DIS3L2: variants seen among roughly 807,000 people sequenced by gnomAD.
The protein encoded by DIS3L2 is DIS3-like exonuclease 2.
DIS3L2 carries 34 observed loss-of-function variants against 97.5 expected under a neutral mutation model. The observed-to-expected ratio is 0.35, with a 90% CI of 0.27 to 0.46. The LOEUF (loss-of-function observed/expected upper bound fraction) is 0.46. Among genes scored for constraint, DIS3L2 ranks in the 20% least tolerant of loss-of-function variants. DIS3L2 has a pLI of 1.00. For missense variants in DIS3L2, 1,038 were observed against 1,146.0 expected, an observed-to-expected ratio of 0.91 and a Z score of 1.36; for synonymous variants, 435 against 445.2, an observed-to-expected ratio of 0.98 and a Z score of 0.29.
chr2:232,313,111 T>G (rs1575011894), intron 14 of DIS3L2, among the ~76,000 whole-genome samples: 1 of 152,338 alleles, frequency 6.6e-6, no homozygotes, highest in East Asian at 1.9e-4. Flanking sequence ...CTTGCCTTAT[T>G]GCACTGTACA....
At chr2:231,977,671 C>A (rs1693136188) in intron 1 of DIS3L2, among the ~76,000 whole-genome samples, 1 of 152,192 alleles carries the variant, frequency 6.6e-6, no homozygotes, top group Non-Finnish European at 1.5e-5. Flanking sequence ...AAACTACCCA[C>A]CACATGTAGA....
chr2:232,074,207 GA>G (rs1251783422), intron 5 of DIS3L2, among the ~76,000 whole-genome samples: 3 of 152,316 alleles, frequency 2.0e-5, no homozygotes, highest in South Asian at 2.1e-4. Context: ...CTCTTACAGT[GA>G]TAAGTTTCAA....
chr2:232,085,392 G>T (rs1358729400), intron 5 of DIS3L2, among the ~76,000 whole-genome samples: 1 of 152,140 alleles, frequency 6.6e-6, no homozygotes, highest in Non-Finnish European at 1.5e-5. Flanking sequence ...TTCATCATTT[G>T]TCACCCCACT....
intron 8 of DIS3L2, 134 bp from the exon 9 acceptor site, chr2:232,163,325 G>C (rs963892478): frequency 2.2e-5 from 18 of 808,932 alleles, no homozygotes; most frequent in Non-Finnish European, 7.7e-6. Flanking sequence ...AGTGATTTAC[G>C]GATGATCATG....
rs957140226 is a variant in DIS3L2, at chr2:232,231,792, A to G, written c.1205-6741A>G. 2.6e-5 allele frequency among the ~76,000 whole-genome samples: 4 copies of G among 152,368 alleles called. No individual in the cohort carries two copies. The East Asian group carries it at 5.8e-4, about 22-fold the overall frequency. On this transcript the variant is annotated intron_variant, in intron 10 of 20. Coordinates refer to ENST00000325385, the MANE Select transcript of DIS3L2 (RefSeq NM_152383.5). Reference sequence around the variant, plus strand: ...TTTCTTTTTCATTCAGTAAATGTCAATCACTGCGGGCCCAGCCCTTTCCCT... The same window carrying G: ...TTTCTTTTTCATTCAGTAAATGTCAGTCACTGCGGGCCCAGCCCTTTCCCT...
intron 1 of DIS3L2, among the ~76,000 whole-genome samples, chr2:231,983,338 A>C (rs922148323): frequency 6.6e-6 from 1 of 152,194 alleles, no homozygotes; most frequent in Non-Finnish European, 1.5e-5. Flanking sequence ...AAGGCTTTGA[A>C]GGAGAATCTG....
At chr2:232,225,418 A>G (rs1441577342) in intron 10 of DIS3L2, among the ~76,000 whole-genome samples, 1 of 152,242 alleles carries the variant, frequency 6.6e-6, no homozygotes, top group Non-Finnish European at 1.5e-5. Flanking sequence ...TCAAAACACA[A>G]CATGATGAAT....
chr2:232,169,197 G>C (rs186301426), intron 9 of DIS3L2, among the ~76,000 whole-genome samples: 6 of 152,148 alleles, frequency 3.9e-5, no homozygotes, highest in Non-Finnish European at 8.8e-5. Flanking sequence ...AAAGAAGTAA[G>C]ATTGAGTCCC....
intron 8 of DIS3L2, among the ~76,000 whole-genome samples, chr2:232,155,013 T>G (rs1277630254): frequency 6.7e-6 from 1 of 148,872 alleles, no homozygotes; most frequent in African/African-American, 2.5e-5. Context: ...GGGAACTCCC[T>G]GACCCCTTGC....
intron 14 of DIS3L2, among the ~76,000 whole-genome samples, chr2:232,315,334 A>G (rs554217864): frequency 2.6e-5 from 4 of 152,348 alleles, no homozygotes; most frequent in Admixed American, 1.3e-4. Flanking sequence ...GGCTCAGGCC[A>G]CAGAGGTCTG....
In DIS3L2 at chr2:232,182,463, C is replaced by T. The variant is rs192246420; in HGVS notation, c.1124+18831C>T. On this transcript the variant is annotated intron_variant, in intron 9 of 20. Coordinates refer to ENST00000325385, the MANE Select transcript of DIS3L2 (RefSeq NM_152383.5). Reference sequence around the variant, plus strand: ...TGATTTATAGTTTTGTTTAAGCTTTCTATTTTCTTGTTTATCTTTTGTTTA... The same window carrying T: ...TGATTTATAGTTTTGTTTAAGCTTTTTATTTTCTTGTTTATCTTTTGTTTA... Among the ~76,000 whole-genome samples the T allele has an allele frequency of 6.4e-3, 979 of 152,182 alleles. 10 individuals carry two copies. Among genetic ancestry groups the T allele is most frequent in the Admixed American group, 0.012 (181 of 15,272 alleles).
chr2:232,032,526 T>C (rs563819231), intron 5 of DIS3L2, among the ~76,000 whole-genome samples: 2 of 152,354 alleles, frequency 1.3e-5, no homozygotes, highest in South Asian at 2.1e-4. Flanking sequence ...TTTGTCCATT[T>C]TGGTTTTTGT....
chr2:232,196,340 C>T (rs958804500), intron 9 of DIS3L2, among the ~76,000 whole-genome samples: 2 of 152,144 alleles, frequency 1.3e-5, no homozygotes, highest in African/African-American at 4.8e-5. Flanking sequence ...TTGTATGGAT[C>T]TTGTACACAA....
chr2:232,006,067 A>G (rs764043735), intron 1 of DIS3L2, among the ~76,000 whole-genome samples: 1 of 152,232 alleles, frequency 6.6e-6, no homozygotes, highest in Non-Finnish European at 1.5e-5. Context: ...ACACTCCTAT[A>G]GTCCTAGCTA....
At chr2:232,330,092 A>C (rs956176362) in intron 15 of DIS3L2, 96 bp downstream of exon 15, 6 of 1,422,264 alleles carry the variant, frequency 4.2e-6, no homozygotes, top group African/African-American at 1.4e-5. Flanking sequence ...GCTTCCCCCC[A>C]GAGTCCCTCC....
At chr2:232,283,082 GC>G (rs1182022195) in intron 13 of DIS3L2, among the ~76,000 whole-genome samples, 2 of 152,040 alleles carry the variant, frequency 1.3e-5, no homozygotes, top group Non-Finnish European at 2.9e-5. Context: ...CTTTGGCTTT[GC>G]TTTAGTAACA....
At chr2:232,148,609 G>C (rs1478149122) in intron 8 of DIS3L2, among the ~76,000 whole-genome samples, 1 of 151,996 alleles carries the variant, frequency 6.6e-6, no homozygotes, top group Non-Finnish European at 1.5e-5. Flanking sequence ...ATATAATTTT[G>C]TCTTTATGAG....
At chr2:232,022,551 G>A (rs917017940) in intron 3 of DIS3L2, among the ~76,000 whole-genome samples, 4 of 151,980 alleles carry the variant, frequency 2.6e-5, no homozygotes, top group African/African-American at 9.7e-5. Flanking sequence ...TTCTTTGAGC[G>A]ACAAGGGATG....
intron 6 of DIS3L2, among the ~76,000 whole-genome samples, chr2:232,100,768 A>G (rs1040292814): frequency 1.3e-5 from 2 of 151,216 alleles, no homozygotes; most frequent in African/African-American, 2.4e-5. Context: ...TATATTGTCT[A>G]TATTTTTAAA....
Sources: gnomAD v4.1 joint callset for allele counts (sites outside exome capture counted in the v4.1 genomes callset) on GRCh38, gnomAD v4.1.1 for gene constraint, MANE v1.5 for transcripts, NCBI Gene and HGNC (gene_info 2026-07-23, HGNC 2026-07-21) for gene names.